FALEC: variants seen among roughly 807,000 people sequenced by gnomAD.
FALEC encodes the protein focally amplified lncRNA regulator of ECM1.
chr1:150,534,840 C>CAA, the FALEC span, among the ~76,000 whole-genome samples: 6,833 of 121,000 alleles, frequency 0.056, 247 homozygotes, highest in Non-Finnish European at 0.083. Context: ...GACTCTGTCT[C>CAA]AAAAAAAAAA....
downstream of FALEC, among the ~76,000 whole-genome samples, chr1:150,519,839 C>T (rs946745371): frequency 2.7e-5 from 4 of 148,384 alleles, no homozygotes; most frequent in East Asian, 2.0e-4. Context: ...GCAACAAGAG[C>T]GAAACTCTGT....
downstream of FALEC, among the ~76,000 whole-genome samples, chr1:150,518,915 G>A (rs1670604568): frequency 6.6e-6 from 1 of 151,964 alleles, no homozygotes; most frequent in Non-Finnish European, 1.5e-5. Flanking sequence ...AATTAGCTGG[G>A]TGTGGTGGCG....
At chr1:150,516,012 C>A (rs1348355004) in exon 1 of FALEC, 1 of 151,632 alleles carries the variant, frequency 6.6e-6, no homozygotes, top group Non-Finnish European at 1.5e-5. Flanking sequence ...TTTGGGAGGC[C>A]GAGGCGGTGG....
downstream of FALEC, among the ~76,000 whole-genome samples, chr1:150,521,986 C>T (rs376625851): frequency 2.0e-5 from 3 of 152,038 alleles, no homozygotes; most frequent in Non-Finnish European, 2.9e-5. Flanking sequence ...GGCCCACTCC[C>T]GTAATCCCAG....
At chr1:150,531,864 A>C in the FALEC span, among the ~76,000 whole-genome samples, 1 of 152,164 alleles carries the variant, frequency 6.6e-6, no homozygotes, top group African/African-American at 2.4e-5. Context: ...TTCCTCAGCT[A>C]TAAAGGTGTC....
the FALEC span, among the ~76,000 whole-genome samples, chr1:150,535,298 C>T: frequency 1.1e-4 from 16 of 152,194 alleles, no homozygotes; most frequent in East Asian, 3.9e-4. Context: ...GGCTGGAGTG[C>T]GGTGGCGCAA....
the FALEC span, among the ~76,000 whole-genome samples, chr1:150,529,066 G>A: frequency 6.7e-6 from 1 of 149,516 alleles, no homozygotes; most frequent in Non-Finnish European, 1.5e-5. Context: ...ACAGGTGGAG[G>A]GAGAAGCAGG....
chr1:150,529,666 C>T, the FALEC span, among the ~76,000 whole-genome samples: 13 of 151,568 alleles, frequency 8.6e-5, no homozygotes, highest in African/African-American at 2.9e-4. Context: ...GGCGCCATCT[C>T]GGCTCACTGC....
chr1:150,524,366 C>A, the FALEC span, among the ~76,000 whole-genome samples: 5 of 152,094 alleles, frequency 3.3e-5, no homozygotes, highest in Admixed American at 6.6e-5. Flanking sequence ...TCAAAAAAAT[C>A]TCAGGCTTCC....
chr1:150,536,763 T>G, the FALEC span, among the ~76,000 whole-genome samples: 9 of 152,180 alleles, frequency 5.9e-5, no homozygotes, highest in African/African-American at 2.2e-4. Context: ...CACTTCAGCC[T>G]GGGCAATAAA....
chr1:150,535,464 G>A, the FALEC span, among the ~76,000 whole-genome samples: 7 of 152,182 alleles, frequency 4.6e-5, no homozygotes, highest in Admixed American at 1.3e-4. Context: ...GGCTGATCTC[G>A]AACTCGTGAG....
At chr1:150,530,524 GCTCA>G in the FALEC span, among the ~76,000 whole-genome samples, 1 of 152,114 alleles carries the variant, frequency 6.6e-6, no homozygotes, top group African/African-American at 2.4e-5. Context: ...TGAGGCCGGT[GCTCA>G]CTAAGTGCTG....
chr1:150,526,823 A>AC, the FALEC span, among the ~76,000 whole-genome samples: 1 of 150,472 alleles, frequency 6.6e-6, no homozygotes, highest in African/African-American at 2.5e-5. Flanking sequence ...TTTAGTAGAG[A>AC]TGGGGTTTCA....
chr1:150,519,280 T>C (rs1200016420), downstream of FALEC, among the ~76,000 whole-genome samples: 1 of 152,116 alleles, frequency 6.6e-6, no homozygotes, highest in African/African-American at 2.4e-5. Flanking sequence ...TTAAAACTAG[T>C]TTACCCCTAA....
At chr1:150,531,250 T>G in the FALEC span, among the ~76,000 whole-genome samples, 5 of 152,268 alleles carry the variant, frequency 3.3e-5, no homozygotes, top group African/African-American at 9.6e-5. Flanking sequence ...ATCCCAGCAC[T>G]TTGGGAGGCC....
chr1:150,517,343 C>CT lies in FALEC; in HGVS notation n.307-423dup, dbSNP rs587637900. The stretch of plus-strand genomic sequence containing the variant: ...GTTGAGGGCATGGTGAGGGAGGGGA[C>CT]TTTTTTTAAAAGCTCTTCAGGAGAT... On this transcript the variant is annotated intron_variant and non_coding_transcript_variant, in intron 1 of 1. Coordinates refer to ENST00000416894, the Ensembl canonical transcript of FALEC. Among the ~76,000 whole-genome samples the CT allele has an allele frequency of 3.8e-4, 56 of 147,592 alleles. 1 individual carries two copies. In the South Asian group the frequency reaches 0.011, roughly 30 times the overall value.
At chr1:150,519,175 G>A (rs76005982), downstream of FALEC, among the ~76,000 whole-genome samples, 638 of 152,242 alleles carry the variant, frequency 4.2e-3, 6 homozygotes, top group African/African-American at 0.015. Flanking sequence ...GCATCCCAGA[G>A]GCCCCCACAG....
At chr1:150,530,123 A>G in the FALEC span, among the ~76,000 whole-genome samples, 1 of 152,142 alleles carries the variant, frequency 6.6e-6, no homozygotes, top group Non-Finnish European at 1.5e-5. Flanking sequence ...GTAGATGTGC[A>G]GGGGCCTGGA....
chr1:150,530,181 T>A, the FALEC span, among the ~76,000 whole-genome samples: 1 of 152,124 alleles, frequency 6.6e-6, no homozygotes. Context: ...TTCTCTTCTG[T>A]AAAATGGGAA....
Sources: allele counts gnomAD v4.1 joint callset (sites outside exome capture counted in the v4.1 genomes callset), GRCh38; gene constraint gnomAD v4.1.1; transcripts MANE v1.5; gene names NCBI Gene and HGNC (gene_info 2026-07-23, HGNC 2026-07-21).